The following MUC5AC variants were observed in gnomAD, a reference collection of about 807,000 sequenced individuals.
MUC5AC encodes the protein mucin 5AC, oligomeric mucus/gel-forming, also known as mucin-5AC.
MUC5AC carries 158 observed loss-of-function variants against 169.7 expected under a neutral mutation model. The ratio of observed to expected loss-of-function variants is 0.93; its 90% confidence interval spans 0.82 to 1.06. MUC5AC has a LOEUF of 1.06. Among genes scored for constraint, MUC5AC ranks in the 50% least tolerant of loss-of-function variants. MUC5AC has a pLI of 0.00. For missense variants in MUC5AC, 4,359 were observed against 3,089.9 expected (o/e 1.41, Z -9.74); for synonymous variants, 1,975 against 1,237.0 (o/e 1.60, Z -12.52).
Position 1,184,420 on chromosome 11 carries a change from C to A in MUC5AC, c.6275C>A (p.Ala2092Glu). Residue 2092 changes from alanine to glutamate, a missense_variant, in exon 31 of 49, where the codon GCA becomes GAA. Transcript: ENST00000621226. ...MPSASTEQPT[A>E]TSRGGPTATS... ...TCGGCCTCCACAGAGCAACCCACGG[C>A]AACCTCCAGGGGTGGGCCCACAGCA... is the stretch of plus-strand genomic sequence containing the variant. 1.8e-6 allele frequency: 1 copy of A among 544,116 alleles called. No individual in the cohort carries two copies. Among genetic ancestry groups the A allele is most frequent in the Non-Finnish European group, 3.3e-6 (1 of 306,440 alleles). The allele number at this position is 544,116 out of a possible 1,614,324, so 33.7% of individuals were successfully genotyped here. A position where few individuals can be genotyped will look rare whatever the true frequency, so the allele number is the denominator to read the frequency against.
Position 1,194,262 on chromosome 11 carries a change from G to A in MUC5AC, c.14908G>A (p.Glu4970Lys). Residue 4970 changes from glutamate (E) to lysine (K), a missense_variant, in exon 34 of 49, where the codon GAG becomes AAG. Coordinates refer to ENST00000621226, the MANE Select transcript of MUC5AC (RefSeq NM_001304359.2). ...CGTCGACAACTACTTCTGCGGTGCG[G>A]AGGACGGGCTCTCCTGCCCGAGGTC... ...VLVDNYFCGA[E>K]DGLSCPRSII... The A allele has an allele frequency of 2.6e-6, 2 of 764,234 alleles. No individual in the cohort carries two copies. Among genetic ancestry groups the A allele is most frequent in the South Asian group, 1.3e-5 (1 of 74,450 alleles). The allele number at this position is 764,234 out of a possible 1,614,324, so 47.3% of individuals were successfully genotyped here.
intron 27 of MUC5AC, 39 bp downstream of exon 27, chr11:1,180,189 C>T (rs1458636760): frequency 5.3e-5 from 21 of 398,130 alleles, no homozygotes; most frequent in African/African-American, 3.1e-4. Context: ...TGGGCTCCGC[C>T]GCCTGTGGCC....
chr11:1,189,983 C>A lies in MUC5AC; in HGVS notation c.11838C>A (p.Ser3946=). ...SHVSVSKTTH[S]QPVTRDCHPR... ...TTTCTGTATCCAAGACAACCCACTCCCAACCAGTCACCAGAGACTGTCATC... is the reference window on the plus strand; with the variant it reads ...TTTCTGTATCCAAGACAACCCACTCACAACCAGTCACCAGAGACTGTCATC... Residue 3946 remains serine (S), a synonymous_variant, in exon 31 of 49, where the codon TCC becomes TCA. Coordinates refer to ENST00000621226, the MANE Select transcript of MUC5AC (RefSeq NM_001304359.2). 1.3e-6 allele frequency: 1 copy of A among 765,142 alleles called. No homozygotes were observed. The highest frequency in any genetic ancestry group is 2.4e-5 in the East Asian group (1 of 41,256). The allele number at this position is 765,142 out of a possible 1,614,324, so 47.4% of individuals were successfully genotyped here.
At chr11:1,170,512 A>C (rs1375245755) in intron 15 of MUC5AC, among the ~76,000 whole-genome samples, 31 of 34,244 alleles carry the variant, frequency 9.1e-4, no homozygotes, top group East Asian at 1.7e-3. Context: ...CACCGACTCA[A>C]CCATTCACTC....
At chr11:1,168,055 C>A in intron 12 of MUC5AC, 68 bp downstream of exon 12, 2 of 1,344,420 alleles carry the variant, frequency 1.5e-6, no homozygotes, top group Non-Finnish European at 2.1e-6. Flanking sequence ...CAAGTCACCT[C>A]TGCCCAAGCC....
At position 1,187,870 on chromosome 11, in the gene MUC5AC, A is replaced by C. The variant is rs1358727364; in HGVS notation, c.9725A>C (p.His3242Pro). ...ATAGACTTCCCATCCCCTGGACCCCACGGCGGGGACAAGGAAACCTACAAC... is the reference window on the plus strand; with the variant it reads ...ATAGACTTCCCATCCCCTGGACCCCCCGGCGGGGACAAGGAAACCTACAAC... ...FDIDFPSPGPHGGDKETYNNI... is the reference protein window; with the variant it reads ...FDIDFPSPGPPGGDKETYNNI... Residue 3242 changes from histidine to proline, a missense_variant, in exon 31 of 49, where the codon CAC (histidine) becomes CCC (proline). His to Pro is a moderately conservative substitution (Grantham distance 77, BLOSUM62 -2). Transcript: ENST00000621226. 2.6e-6 allele frequency: 2 copies of C among 762,596 alleles called. No individual in the cohort carries two copies. Among genetic ancestry groups the C allele is most frequent in the African/African-American group, 3.4e-5 (2 of 59,064 alleles). The allele number at this position is 762,596 out of a possible 1,614,324, so 47.2% of individuals were successfully genotyped here.
chr11:1,186,359 C>A lies in MUC5AC; in HGVS notation c.8214C>A (p.Thr2738=), dbSNP rs1395149993. Residue 2738 remains threonine, a synonymous_variant, in exon 31 of 49, where the codon ACC becomes ACA. Coordinates refer to ENST00000621226, the MANE Select transcript of MUC5AC (RefSeq NM_001304359.2). ...CCAGCACAACCTCTGCCACTACAAC[C>A]AGCACGACCTCTGCTCCTACACCCA... The part of the protein sequence containing the change: ...PTTSTTSATT[T]STTSAPTPRR... 8.8e-4 allele frequency: 629 copies of A among 716,356 alleles called. 6 individuals carry two copies. In the African/African-American group the frequency reaches 9.3e-3, roughly 11 times the overall value. The allele number at this position is 716,356 out of a possible 1,614,324, so 44.4% of individuals were successfully genotyped here. A position where few individuals can be genotyped will look rare whatever the true frequency, so the allele number is the denominator to read the frequency against.
chr11:1,171,429 CA>C (rs1860527926), intron 15 of MUC5AC, among the ~76,000 whole-genome samples: 1 of 80,358 alleles, frequency 1.2e-5, no homozygotes, highest in East Asian at 3.9e-4. Flanking sequence ...CTCACTCACT[CA>C]ACTTACTCAC....
At chr11:1,180,908 C>T (rs1334547603) in intron 28 of MUC5AC, among the ~76,000 whole-genome samples, 1 of 152,164 alleles carries the variant, frequency 6.6e-6, no homozygotes, top group Non-Finnish European at 1.5e-5. Context: ...CCCCTGACCC[C>T]CGACTGGAGG....
In MUC5AC at chr11:1,181,374, C is replaced by T. The variant is rs1205902278; in HGVS notation, c.3924C>T (p.Asn1308=). The T allele has an allele frequency of 5.8e-5, 23 of 398,728 alleles. No individual in the cohort carries two copies. The highest frequency in any genetic ancestry group is 6.3e-4 in the Middle Eastern group (1 of 1,590). The allele number at this position is 398,728 out of a possible 1,614,324, so 24.7% of individuals were successfully genotyped here. A position where few individuals can be genotyped will look rare whatever the true frequency, so the allele number is the denominator to read the frequency against. ...GGCISARCGA[N]GTIERRVYPC... ...GCATCTCCGCCCGCTGCGGGGCCAA[C>T]GGCACCATTGAGAGGAGGGTCTACC... Residue 1308 remains asparagine (N), a synonymous_variant, in exon 30 of 49, where the codon AAC becomes AAT. Transcript: ENST00000621226.
In MUC5AC at chr11:1,199,899, CA is replaced by C. The variant is rs1487501630; in HGVS notation, c.16631del (p.Gln5544ArgfsTer46). ...CCATAGGAGCCTGATCATCCAGCAGCAGGGCTGCAGCTCCTCGGAGCCCGTG... is the reference window on the plus strand; with the variant it reads ...CCATAGGAGCCTGATCATCCAGCAGCGGGCTGCAGCTCCTCGGAGCCCGTG... Reference protein sequence around the residue: ...VYHRSLIIQQQGCSSSEPVRL... With the variant: ...VYHRSLIIQQXGCSSSEPVRL... On this transcript the variant is annotated frameshift_variant, in exon 48 of 49. Coordinates refer to ENST00000621226, the MANE Select transcript of MUC5AC (RefSeq NM_001304359.2). LOFTEE classifies it high-confidence loss of function. 1 of 764,618 alleles carries C rather than the reference CA, an allele frequency of 1.3e-6. No homozygotes were observed. Among genetic ancestry groups the C allele is most frequent in the Non-Finnish European group, 2.4e-6 (1 of 417,680 alleles). 47.4% of individuals were successfully genotyped at this position (764,618 alleles called of 1,614,324 possible). A position where few individuals can be genotyped will look rare whatever the true frequency, so the allele number is the denominator to read the frequency against.
intron 1 of MUC5AC, 112 bp downstream of exon 1, chr11:1,158,184 C>CG: frequency 1.1e-6 from 1 of 951,556 alleles, no homozygotes; most frequent in Non-Finnish European, 1.6e-6. Context: ...GTGCCATGAA[C>CG]GGCTCCCAGC....
Position 1,178,176 on chromosome 11 carries a change from C to T in MUC5AC, c.3088-268C>T, listed in dbSNP as rs1426980406. Among the ~76,000 whole-genome samples, 7 of 152,256 alleles carry T rather than the reference C, an allele frequency of 4.6e-5. No homozygotes were observed. In the East Asian group the frequency reaches 7.7e-4, roughly 17 times the overall value. ...GGGGTCAGGACTTAGGCGGGTCCTT[C>T]GAGGCCACGTCAGCTTCTTTTTCTC... is the stretch of plus-strand genomic sequence containing the variant. On this transcript the variant is annotated intron_variant, in intron 24 of 48. Coordinates refer to ENST00000621226, the MANE Select transcript of MUC5AC (RefSeq NM_001304359.2).
In MUC5AC at chr11:1,184,647, A is replaced by T; in HGVS notation, c.6502A>T (p.Lys2168Ter). Residue 2168 changes from lysine (K) to a stop codon, truncating the protein, a stop_gained, in exon 31 of 49, where the codon AAG becomes TAG. Transcript: ENST00000621226. LOFTEE classifies it high-confidence loss of function. ...GATCACCAGGCTCCAGTGCCGAGCC[A>T]AGAGCCACCCAGAGGTGAGCATCGA... ...EEITRLQCRAKSHPEVSIEHL... is the reference protein window; with the variant it reads ...EEITRLQCRA 1.5e-6 allele frequency: 1 copy of T among 656,956 alleles called. No homozygotes were observed. The highest frequency in any genetic ancestry group is 2.8e-6 in the Non-Finnish European group (1 of 363,320). The allele number at this position is 656,956 out of a possible 1,614,324, so 40.7% of individuals were successfully genotyped here. A position where few individuals can be genotyped will look rare whatever the true frequency, so the allele number is the denominator to read the frequency against.
At position 1,177,305 on chromosome 11, in the gene MUC5AC, A is replaced by G. The variant is rs1386740004; in HGVS notation, c.2868A>G (p.Thr956=). The part of the protein sequence containing the change: ...VVTENVPCGT[T]GTTCSKAIKI... ...CCGAGAACGTCCCCTGCGGCACCAC[A>G]GGGACCACCTGCTCCAAGGCCATCA... is the stretch of plus-strand genomic sequence containing the variant. The change falls in exon 23 of 49, where the codon ACA becomes ACG. Residue 956 remains threonine, a synonymous_variant. Coordinates refer to ENST00000621226, the MANE Select transcript of MUC5AC (RefSeq NM_001304359.2). 2 of 457,186 alleles carry G rather than the reference A, an allele frequency of 4.4e-6. No individual in the cohort carries two copies. The highest frequency in any genetic ancestry group is 2.0e-5 in the African/African-American group (1 of 50,390). The allele number at this position is 457,186 out of a possible 1,614,324, so 28.3% of individuals were successfully genotyped here.
intron 1 of MUC5AC, among the ~76,000 whole-genome samples, chr11:1,159,718 T>C (rs1273363968): frequency 1.5e-5 from 2 of 135,480 alleles, no homozygotes; most frequent in Non-Finnish European, 3.2e-5. Context: ...TGTGTGGGGC[T>C]GTGCGGGGCT....
intron 15 of MUC5AC, among the ~76,000 whole-genome samples, chr11:1,170,784 CCTATTCA>C (rs1860489879): frequency 6.9e-6 from 1 of 145,794 alleles, no homozygotes; most frequent in Admixed American, 6.8e-5. Context: ...CACCCACTCA[CCTATTCA>C]CTCACTCACT....
In MUC5AC at chr11:1,194,450, G is replaced by T. The variant is rs1332763793; in HGVS notation, c.15007-37G>T. Reference sequence around the variant, plus strand: ...GCAGCGGCTGACCGCCCGCCCGCCTGCCTTCTGACTTCCCGTCGACCACGC... The same window carrying T: ...GCAGCGGCTGACCGCCCGCCCGCCTTCCTTCTGACTTCCCGTCGACCACGC... On this transcript the variant is annotated intron_variant, in intron 34 of 48. Transcript: ENST00000621226. 8 of 728,346 alleles carry T rather than the reference G, an allele frequency of 1.1e-5. No individual in the cohort carries two copies. The East Asian group carries it at 2.0e-4, about 18-fold the overall frequency. 45.1% of individuals were successfully genotyped at this position (728,346 alleles called of 1,614,324 possible). A position where few individuals can be genotyped will look rare whatever the true frequency, so the allele number is the denominator to read the frequency against.
In MUC5AC at chr11:1,191,010, A is replaced by G; in HGVS notation, c.12865A>G (p.Met4289Val). ...AACAACATCTGCTCCTACAAGCAGC[A>G]TGACCTCTGGTCCTGGAACTACTCC... Reference protein sequence around the residue: ...TRTTSAPTSSMTSGPGTTPSP... With the variant: ...TRTTSAPTSSVTSGPGTTPSP... Residue 4289 changes from methionine to valine, a missense_variant, in exon 31 of 49, where the codon ATG becomes GTG. Transcript: ENST00000621226. The G allele has an allele frequency of 1.3e-6, 1 of 753,858 alleles. No individual in the cohort carries two copies. Among genetic ancestry groups the G allele is most frequent in the Non-Finnish European group, 2.4e-6 (1 of 413,708 alleles). 46.7% of individuals were successfully genotyped at this position (753,858 alleles called of 1,614,324 possible). A position where few individuals can be genotyped will look rare whatever the true frequency, so the allele number is the denominator to read the frequency against.
Sources: allele counts gnomAD v4.1 joint callset (sites outside exome capture counted in the v4.1 genomes callset), GRCh38; gene constraint gnomAD v4.1.1; transcripts MANE v1.5; gene names NCBI Gene and HGNC (gene_info 2026-07-23, HGNC 2026-07-21).